RBFOX3: variants seen among roughly 807,000 people sequenced by gnomAD.
RBFOX3 encodes RNA binding protein fox-1 homolog 3.
RBFOX3 carries 17 observed loss-of-function variants against 48.7 expected under a neutral mutation model. The observed-to-expected ratio is 0.35, with a 90% CI of 0.24 to 0.52. The LOEUF (loss-of-function observed/expected upper bound fraction) is 0.52. Ranked by LOEUF, RBFOX3 falls within the 20% of genes least tolerant of loss-of-function variation. RBFOX3 has a pLI of 0.94. For synonymous variants in RBFOX3, 212 were observed against 209.5 expected (o/e 1.01, Z -0.10); for missense variants, 382 against 497.5 (o/e 0.77, Z 2.21).
chr17:79,291,388 A>G (rs1162910539), intron 3 of RBFOX3, among the ~76,000 whole-genome samples: 1 of 152,210 alleles, frequency 6.6e-6, no homozygotes, highest in Non-Finnish European at 1.5e-5. Flanking sequence ...GAAAGTTGCT[A>G]TGAGGCTGTG....
At position 79,204,487 on chromosome 17, in the gene RBFOX3, A is replaced by G. The variant is rs1056364581; in HGVS notation, c.-34+31279T>C. Among the ~76,000 whole-genome samples the G allele has an allele frequency of 1.3e-5, 2 of 152,214 alleles. No homozygotes were observed. Among genetic ancestry groups the G allele is most frequent in the Admixed American group, 6.5e-5 (1 of 15,286 alleles). On this transcript the variant is annotated intron_variant, in intron 4 of 14. Coordinates refer to ENST00000693108, the MANE Select transcript of RBFOX3 (RefSeq NM_001350451.2). This position sits in a 1 kb window ranked among gnomAD's most constrained non-coding sequence, Gnocchi z 4.5. ...GTGAACAGCTCCTTGAAGCGCACAC[A>G]TACCGACAGCATTCAGTCAACGAGG...
At chr17:79,503,480 C>T (rs1031750516) in intron 1 of RBFOX3, among the ~76,000 whole-genome samples, 6 of 152,234 alleles carry the variant, frequency 3.9e-5, no homozygotes, top group Non-Finnish European at 7.3e-5. Flanking sequence ...ATCATTTTGA[C>T]ATGTAATCAA....
intron 2 of RBFOX3, among the ~76,000 whole-genome samples, chr17:79,325,459 C>A (rs2079161024): frequency 6.6e-6 from 1 of 152,156 alleles, no homozygotes; most frequent in South Asian, 2.1e-4. Context: ...TGTCAACTAC[C>A]CAGTTAGTTA....
Position 79,391,660 on chromosome 17 carries a change from G to A in RBFOX3, c.-174-83836C>T, listed in dbSNP as rs918716026. Among the ~76,000 whole-genome samples, 5 of 152,188 alleles carry A rather than the reference G, an allele frequency of 3.3e-5. No homozygotes were observed. The highest frequency in any genetic ancestry group is 6.5e-5 in the Admixed American group (1 of 15,286). ...TACACGTGCACATGTGCATACATGC[G>A]TGTGTACTTGCCTGCCTGTGCATCC... On this transcript the variant is annotated intron_variant, in intron 2 of 14. Transcript: ENST00000693108. This position sits in a 1 kb window ranked among gnomAD's most constrained non-coding sequence, Gnocchi z 5.0.
chr17:79,377,523 T>C (rs1327836761), intron 2 of RBFOX3, among the ~76,000 whole-genome samples: 1 of 152,064 alleles, frequency 6.6e-6, no homozygotes, highest in Non-Finnish European at 1.5e-5. Context: ...TCCTGACAGC[T>C]CCATCGCACC....
Position 79,555,524 on chromosome 17 carries a change from T to C in RBFOX3, c.-320+55302A>G, listed in dbSNP as rs1039410051. Among the ~76,000 whole-genome samples, 124 of 143,458 alleles carry C rather than the reference T, an allele frequency of 8.6e-4. 7 individuals are homozygous for C. The highest frequency in any genetic ancestry group is 3.4e-3 in the African/African-American group (117 of 34,308). 94.1% of individuals were successfully genotyped at this position (143,458 alleles called of 152,430 possible). A position where few individuals can be genotyped will look rare whatever the true frequency, so the allele number is the denominator to read the frequency against. ...GTGGTGGTGGTGATGGTGGTGGTGA[T>C]GGTAGTTGTGGTGGTGGTGATGGTG... On this transcript the variant is annotated intron_variant, in intron 1 of 14. Coordinates refer to ENST00000693108, the MANE Select transcript of RBFOX3 (RefSeq NM_001350451.2).
chr17:79,385,575 TCA>T (rs1382415314), intron 2 of RBFOX3, among the ~76,000 whole-genome samples: 2 of 152,042 alleles, frequency 1.3e-5, no homozygotes, highest in Non-Finnish European at 2.9e-5. Flanking sequence ...TCTCAGTGAG[TCA>T]CAAAGACAGA....
intron 2 of RBFOX3, among the ~76,000 whole-genome samples, chr17:79,371,429 G>A (rs1429010427): frequency 6.6e-6 from 1 of 152,218 alleles, no homozygotes; most frequent in Non-Finnish European, 1.5e-5. Context: ...CCTGCTCCCT[G>A]TGGGGGCAAG....
intron 3 of RBFOX3, among the ~76,000 whole-genome samples, chr17:79,301,313 G>A (rs2075277729): frequency 1.3e-5 from 2 of 152,222 alleles, no homozygotes; most frequent in South Asian, 4.1e-4. Flanking sequence ...GCCACACCCG[G>A]ACTTGGAACC....
chr17:79,455,437 G>A (rs1437073887), intron 2 of RBFOX3, among the ~76,000 whole-genome samples: 2 of 152,172 alleles, frequency 1.3e-5, no homozygotes, highest in Non-Finnish European at 2.9e-5. Flanking sequence ...GAGCCCAGGA[G>A]AGTGGCCATC....
At chr17:79,405,450 G>A (rs1482686947) in intron 2 of RBFOX3, among the ~76,000 whole-genome samples, 1 of 151,906 alleles carries the variant, frequency 6.6e-6, no homozygotes, top group Non-Finnish European at 1.5e-5. Flanking sequence ...ACAATGAAAT[G>A]CATGAGTCTG....
intron 2 of RBFOX3, among the ~76,000 whole-genome samples, chr17:79,340,269 A>G (rs1343773711): frequency 1.4e-5 from 2 of 147,894 alleles, no homozygotes; most frequent in African/African-American, 4.9e-5. Flanking sequence ...ATTGCACTCC[A>G]GCCTGGGCAA....
At chr17:79,150,037 G>T (rs1599683425) in intron 4 of RBFOX3, among the ~76,000 whole-genome samples, 1 of 51,376 alleles carries the variant, frequency 1.9e-5, no homozygotes, top group Admixed American at 1.8e-4. Context: ...GTGGGGGGTG[G>T]GGGTGGGGGA....
chr17:79,412,545 A>G (rs550171433), intron 2 of RBFOX3, among the ~76,000 whole-genome samples: 1 of 148,550 alleles, frequency 6.7e-6, no homozygotes, highest in African/African-American at 2.5e-5. Flanking sequence ...CATGTGTTGT[A>G]TGTGATATGT....
chr17:79,537,903 G>T (rs1420066584), intron 1 of RBFOX3, among the ~76,000 whole-genome samples: 1 of 152,166 alleles, frequency 6.6e-6, no homozygotes, highest in Non-Finnish European at 1.5e-5. Context: ...TGGGGGAGAT[G>T]AACACACCTG....
intron 4 of RBFOX3, among the ~76,000 whole-genome samples, chr17:79,218,466 G>A (rs1019181956): frequency 9.2e-5 from 14 of 152,190 alleles, no homozygotes; most frequent in African/African-American, 1.2e-4. Flanking sequence ...GTCCAGCAAA[G>A]GAGCACTGGC....
chr17:79,428,897 C>T (rs1252521330), intron 2 of RBFOX3, among the ~76,000 whole-genome samples: 2 of 152,232 alleles, frequency 1.3e-5, no homozygotes, highest in Non-Finnish European at 2.9e-5. Flanking sequence ...AGTATTTGCA[C>T]AGTATATTGG....
chr17:79,558,993 C>T (rs2144087250), intron 1 of RBFOX3, among the ~76,000 whole-genome samples: 1 of 152,246 alleles, frequency 6.6e-6, no homozygotes, highest in African/African-American at 2.4e-5. Context: ...AGCTGAGGGG[C>T]AGCAGCTGGA....
At chr17:79,504,082 T>A (rs1014637632) in intron 1 of RBFOX3, among the ~76,000 whole-genome samples, 143 of 152,148 alleles carry the variant, frequency 9.4e-4, no homozygotes, top group Non-Finnish European at 1.9e-3. Context: ...CTGAGCACCG[T>A]CCCCTGAGAG....
Sources: gnomAD v4.1 joint callset for allele counts (sites outside exome capture counted in the v4.1 genomes callset) on GRCh38, gnomAD v4.1.1 for gene constraint, Gnocchi (gnomAD v3.1) non-coding constraint, MANE v1.5 for transcripts, NCBI Gene and HGNC (gene_info 2026-07-23, HGNC 2026-07-21) for gene names.